The following TXLNB variants were observed in gnomAD, a reference collection of about 807,000 sequenced individuals.
TXLNB encodes taxilin beta.
A neutral mutation model predicts 57.4 loss-of-function variants in TXLNB; 37 were observed. The ratio of observed to expected loss-of-function variants is 0.64; its 90% CI spans 0.50 to 0.85. The LOEUF is 0.85. TXLNB is among the 40% of genes least tolerant of loss of function. TXLNB has a pLI of 0.00. For synonymous variants in TXLNB, 302 were observed against 309.6 expected, an observed-to-expected ratio of 0.98 and a Z score of 0.26; for missense variants, 848 against 825.6, an observed-to-expected ratio of 1.03 and a Z score of -0.33.
chr6:139,258,377 T>C (rs186764451), intron 6 of TXLNB, among the ~76,000 whole-genome samples: 1 of 152,218 alleles, frequency 6.6e-6, no homozygotes, highest in African/African-American at 2.4e-5. Flanking sequence ...AAGCATATTT[T>C]ACCCAAGAAG....
chr6:139,249,078 T>C (rs1377762490), intron 7 of TXLNB, among the ~76,000 whole-genome samples: 1 of 152,224 alleles, frequency 6.6e-6, no homozygotes, highest in Non-Finnish European at 1.5e-5. Context: ...AGAGAAGCAT[T>C]GTATGGGTTA....
At chr6:139,186,296 C>T in the TXLNB span, among the ~76,000 whole-genome samples, 155 of 152,048 alleles carry the variant, frequency 1.0e-3, no homozygotes, top group African/African-American at 3.3e-3. Flanking sequence ...AAAAGACAAG[C>T]GCCACAGACT....
At chr6:139,199,373 C>T in the TXLNB span, among the ~76,000 whole-genome samples, 1 of 152,138 alleles carries the variant, frequency 6.6e-6, no homozygotes, top group Non-Finnish European at 1.5e-5. Flanking sequence ...GTCCTTTTAC[C>T]AGTCAGTCAA....
chr6:139,232,921 T>C, the TXLNB span, among the ~76,000 whole-genome samples: 1 of 152,240 alleles, frequency 6.6e-6, no homozygotes, highest in Non-Finnish European at 1.5e-5. Context: ...AGGAGGTTTA[T>C]GTGGAAACCT....
chr6:139,217,253 C>G, the TXLNB span, among the ~76,000 whole-genome samples: 89 of 152,222 alleles, frequency 5.8e-4, 2 homozygotes, highest in East Asian at 0.016. Flanking sequence ...GAAAACCTCC[C>G]TTTTGACTGC....
the TXLNB span, among the ~76,000 whole-genome samples, chr6:139,302,024 A>G: frequency 6.6e-6 from 1 of 152,096 alleles, no homozygotes; most frequent in Non-Finnish European, 1.5e-5. Context: ...AAACAAAAAT[A>G]TATATATATT....
At chr6:139,319,739 T>C in the TXLNB span, among the ~76,000 whole-genome samples, 1 of 151,368 alleles carries the variant, frequency 6.6e-6, no homozygotes, top group East Asian at 2.0e-4. Context: ...CACTCCAGCC[T>C]GGGTGGCAGA....
At chr6:139,280,495 A>T (rs6936641) in intron 2 of TXLNB, among the ~76,000 whole-genome samples, 46,036 of 151,760 alleles carry the variant, frequency 0.3, 7,274 homozygotes, top group African/African-American at 0.39. Context: ...AAATACAAAA[A>T]TTAGCTGGGC....
downstream of TXLNB, among the ~76,000 whole-genome samples, chr6:139,235,318 A>G (rs998014345): frequency 6.6e-6 from 1 of 152,146 alleles, no homozygotes; most frequent in African/African-American, 2.4e-5. Context: ...GGAAGTAACT[A>G]ACTTGTTTTT....
chr6:139,252,641 C>T (rs1465987652), intron 7 of TXLNB, among the ~76,000 whole-genome samples: 2 of 152,194 alleles, frequency 1.3e-5, no homozygotes, highest in Non-Finnish European at 2.9e-5. Context: ...TGAACTACAG[C>T]TGAATAGCAT....
At chr6:139,274,960 C>T (rs1170244167) in intron 3 of TXLNB, among the ~76,000 whole-genome samples, 1 of 151,960 alleles carries the variant, frequency 6.6e-6, no homozygotes, top group East Asian at 1.9e-4. Flanking sequence ...TTTTTGACAC[C>T]TAAATTATTT....
intron 8 of TXLNB, 28 bp downstream of exon 8, chr6:139,247,789 T>C: frequency 1.3e-6 from 2 of 1,484,556 alleles, no homozygotes; most frequent in Non-Finnish European, 1.8e-6. Context: ...AAAATGTCAA[T>C]ATTTTGTTGG....
At chr6:139,285,140 CCTGA>C (rs1041478891) in intron 2 of TXLNB, among the ~76,000 whole-genome samples, 5 of 144,352 alleles carry the variant, frequency 3.5e-5, no homozygotes, top group African/African-American at 1.0e-4. Flanking sequence ...AAAACATCAT[CCTGA>C]CTATTTGGTA....
intron 4 of TXLNB, among the ~76,000 whole-genome samples, chr6:139,265,958 C>G (rs1776605088): frequency 6.6e-6 from 1 of 152,178 alleles, no homozygotes; most frequent in Admixed American, 6.5e-5. Context: ...GAGCCCAGAT[C>G]CTGTGAATGA....
the TXLNB span, among the ~76,000 whole-genome samples, chr6:139,210,353 C>T: frequency 6.6e-5 from 10 of 152,180 alleles, no homozygotes; most frequent in Non-Finnish European, 1.5e-4. Flanking sequence ...AGCAATCCCA[C>T]TACTGGGTAT....
At chr6:139,175,380 A>G in the TXLNB span, among the ~76,000 whole-genome samples, 2 of 152,106 alleles carry the variant, frequency 1.3e-5, no homozygotes, top group Non-Finnish European at 2.9e-5. Context: ...GCATAGTTTT[A>G]TGTCTTTAGC....
At chr6:139,172,976 T>G in the TXLNB span, among the ~76,000 whole-genome samples, 1 of 152,252 alleles carries the variant, frequency 6.6e-6, no homozygotes, top group Non-Finnish European at 1.5e-5. Context: ...CTTCTGTGTC[T>G]AAGGCTGCCC....
chr6:139,203,193 T>A, the TXLNB span, among the ~76,000 whole-genome samples: 1 of 152,204 alleles, frequency 6.6e-6, no homozygotes, highest in Non-Finnish European at 1.5e-5. Flanking sequence ...GGTGCAGATA[T>A]CTCTTCGCTA....
At chr6:139,210,422 G>A in the TXLNB span, among the ~76,000 whole-genome samples, 1 of 152,208 alleles carries the variant, frequency 6.6e-6, no homozygotes, top group African/African-American at 2.4e-5. Flanking sequence ...CATGTTTACA[G>A]CAGCACAATT....
Sources: gnomAD v4.1 joint callset for allele counts (sites outside exome capture counted in the v4.1 genomes callset) on GRCh38, gnomAD v4.1.1 for gene constraint, MANE v1.5 for transcripts, NCBI Gene and HGNC (gene_info 2026-07-23, HGNC 2026-07-21) for gene names.